Variants in EIF4EBP1 observed in about 807,000 individuals in gnomAD.
EIF4EBP1 encodes eukaryotic translation initiation factor 4E binding protein 1, also known as eukaryotic translation initiation factor 4E-binding protein 1.
EIF4EBP1 carries 5 observed loss-of-function variants against 9.2 expected under a neutral mutation model. The observed-to-expected ratio is 0.54, with a 90% CI of 0.28 to 1.14. EIF4EBP1 has a LOEUF of 1.14. Among genes scored for constraint, EIF4EBP1 ranks in the 50% most tolerant of loss-of-function variants. The probability of loss-of-function intolerance (pLI) is 0.09; values close to 1 mark genes in which losing one functional copy is unlikely to be tolerated. For missense variants in EIF4EBP1, 139 were observed against 169.6 expected, an observed-to-expected ratio of 0.82 and a Z score of 1.00; for synonymous variants, 62 against 67.0, an observed-to-expected ratio of 0.93 and a Z score of 0.36.
intron 1 of EIF4EBP1, among the ~76,000 whole-genome samples, chr8:38,046,628 A>G (rs1809452458): frequency 6.6e-6 from 1 of 152,230 alleles, no homozygotes; most frequent in African/African-American, 2.4e-5. Flanking sequence ...TATGGGGCTT[A>G]CATTGTGTCA....
In EIF4EBP1 at chr8:38,059,913, CA is replaced by C. The variant is rs754203102; in HGVS notation, c.336del (p.Gln113SerfsTer107). ...PEDKRAGGEE[S>X]QFEMDI The stretch of plus-strand genomic sequence containing the variant: ...TCCCCTCTCTCCCCAGGTGAAGAGT[CA>C]CAGTTTGAGATGGACATTTAAAGCA... On this transcript the variant is annotated frameshift_variant, in exon 3 of 3. Coordinates refer to ENST00000338825, the MANE Select transcript of EIF4EBP1 (RefSeq NM_004095.4). LOFTEE classifies it high-confidence loss of function. 7.0e-7 allele frequency: 1 copy of C among 1,424,896 alleles called. No homozygotes were observed. Among genetic ancestry groups the C allele is most frequent in the Non-Finnish European group, 9.2e-7 (1 of 1,086,756 alleles). 88.3% of individuals were successfully genotyped at this position (1,424,896 alleles called of 1,614,324 possible).
intron 2 of EIF4EBP1, among the ~76,000 whole-genome samples, chr8:38,057,906 G>A (rs1011534082): frequency 3.9e-5 from 6 of 152,172 alleles, no homozygotes; most frequent in African/African-American, 1.4e-4. Flanking sequence ...GACTGGCTTG[G>A]CAGAGTGTTG....
intron 1 of EIF4EBP1, among the ~76,000 whole-genome samples, chr8:38,056,878 G>T (rs1362960715): frequency 6.6e-6 from 1 of 152,000 alleles, no homozygotes; most frequent in African/African-American, 2.4e-5. Flanking sequence ...AGCCAGGCTG[G>T]TCTCGAACTC....
intron 1 of EIF4EBP1, among the ~76,000 whole-genome samples, chr8:38,039,012 C>G (rs1486138597): frequency 2.0e-5 from 3 of 151,594 alleles, no homozygotes; most frequent in Non-Finnish European, 4.4e-5. Context: ...CCTGCCTCAG[C>G]CTCCTGAGTA....
At chr8:38,052,988 C>CT (rs1473517090) in intron 1 of EIF4EBP1, among the ~76,000 whole-genome samples, 1 of 152,146 alleles carries the variant, frequency 6.6e-6, no homozygotes, top group Non-Finnish European at 1.5e-5. Flanking sequence ...GGCACAGAGG[C>CT]TTTTTCTTTC....
chr8:38,031,587 C>T (rs1392631635), intron 1 of EIF4EBP1, among the ~76,000 whole-genome samples: 1 of 152,080 alleles, frequency 6.6e-6, no homozygotes, highest in Non-Finnish European at 1.5e-5. Flanking sequence ...CCTTTTTGCT[C>T]CTCTCCCTTC....
intron 1 of EIF4EBP1, chr8:38,047,309 T>C (rs894725447): frequency 7.9e-5 from 12 of 152,032 alleles, no homozygotes; most frequent in African/African-American, 2.7e-4. Flanking sequence ...TAGTACAAAG[T>C]AGAGGTTCAG....
chr8:38,039,335 T>C (rs1347345162), intron 1 of EIF4EBP1, among the ~76,000 whole-genome samples: 1 of 151,858 alleles, frequency 6.6e-6, no homozygotes, highest in Non-Finnish European at 1.5e-5. Context: ...CTAATGTAAG[T>C]GTTCTGAGCA....
intron 1 of EIF4EBP1, among the ~76,000 whole-genome samples, chr8:38,054,586 T>A (rs1809568924): frequency 1.3e-5 from 2 of 151,994 alleles, no homozygotes; most frequent in Non-Finnish European, 2.9e-5. Context: ...GTCCACTGAG[T>A]CCCCACCCCG....
At chr8:38,056,022 TTC>T (rs1188194737) in intron 1 of EIF4EBP1, among the ~76,000 whole-genome samples, 1 of 151,920 alleles carries the variant, frequency 6.6e-6, no homozygotes, top group Non-Finnish European at 1.5e-5. Flanking sequence ...GCCCAGGCAT[TTC>T]TCTCTTTTTT....
At chr8:38,056,270 G>A (rs1038744883) in intron 1 of EIF4EBP1, among the ~76,000 whole-genome samples, 9 of 152,156 alleles carry the variant, frequency 5.9e-5, no homozygotes, top group Non-Finnish European at 8.8e-5. Flanking sequence ...GAGATTACAG[G>A]TGTGAGCTAC....
intron 1 of EIF4EBP1, among the ~76,000 whole-genome samples, chr8:38,044,907 A>G (rs1398007431): frequency 1.3e-5 from 2 of 152,184 alleles, no homozygotes; most frequent in Non-Finnish European, 2.9e-5. Context: ...GGCTGTGAGC[A>G]CAGACCGGAG....
At chr8:38,042,813 C>T (rs1287627453) in intron 1 of EIF4EBP1, among the ~76,000 whole-genome samples, 3 of 152,198 alleles carry the variant, frequency 2.0e-5, no homozygotes, top group Non-Finnish European at 4.4e-5. Flanking sequence ...CCTGTAATCC[C>T]AGCACTTTGG....
At chr8:38,039,215 G>GTCCAAGAC (rs1809344053) in intron 1 of EIF4EBP1, among the ~76,000 whole-genome samples, 1 of 151,554 alleles carries the variant, frequency 6.6e-6, no homozygotes, top group Non-Finnish European at 1.5e-5. Context: ...TTTATGTGTA[G>GTCCAAGAC]TCCAAGACAA....
chr8:38,056,565 T>C (rs1238421274), intron 1 of EIF4EBP1, among the ~76,000 whole-genome samples: 1 of 151,942 alleles, frequency 6.6e-6, no homozygotes, highest in African/African-American at 2.4e-5. Context: ...GCAGACCCCT[T>C]CCATTGGATC....
chr8:38,046,243 T>C (rs1158503551), intron 1 of EIF4EBP1, among the ~76,000 whole-genome samples: 1 of 152,174 alleles, frequency 6.6e-6, no homozygotes, highest in Non-Finnish European at 1.5e-5. Context: ...AGAGATGGGA[T>C]CGTGCTTTGT....
At chr8:38,037,239 A>G (rs775841575) in intron 1 of EIF4EBP1, among the ~76,000 whole-genome samples, 3 of 152,156 alleles carry the variant, frequency 2.0e-5, no homozygotes, top group Non-Finnish European at 4.4e-5. Context: ...TGCCAGGTCT[A>G]GTGTCTGGAA....
At chr8:38,056,998 C>A in intron 1 of EIF4EBP1, 83 bp from the exon 2 acceptor site, 1 of 1,445,046 alleles carries the variant, frequency 6.9e-7, no homozygotes, top group Admixed American at 1.7e-5. Context: ...GCTGCCTCTA[C>A]TGCAGCCACG....
intron 1 of EIF4EBP1, among the ~76,000 whole-genome samples, chr8:38,052,766 T>A (rs1464192056): frequency 1.3e-5 from 2 of 151,042 alleles, no homozygotes. Context: ...TTGCCCAGGC[T>A]GGTCTCAAAC....
Sources: allele counts gnomAD v4.1 joint callset (sites outside exome capture counted in the v4.1 genomes callset), GRCh38; gene constraint gnomAD v4.1.1; transcripts MANE v1.5; gene names NCBI Gene and HGNC (gene_info 2026-07-23, HGNC 2026-07-21).